VPS39: variants seen among roughly 807,000 people sequenced by gnomAD.
The protein encoded by VPS39 is vam6/Vps39-like protein.
A neutral mutation model predicts 121.0 loss-of-function variants in VPS39; 70 were observed. That is an observed-to-expected ratio of 0.58 (90% CI 0.48 to 0.71). VPS39 has a LOEUF of 0.71. Among genes scored for constraint, VPS39 ranks in the 30% least tolerant of loss-of-function variants. The pLI is 0.00. For synonymous variants in VPS39, 378 were observed against 398.1 expected (o/e 0.95, Z 0.60); for missense variants, 818 against 1,051.5 (o/e 0.78, Z 3.07).
At chr15:42,190,328 A>G (rs2049800772) in intron 4 of VPS39, among the ~76,000 whole-genome samples, 1 of 152,198 alleles carries the variant, frequency 6.6e-6, no homozygotes, top group Admixed American at 6.5e-5. Context: ...AGTTTTAGTC[A>G]TGAAGATTAA....
In VPS39 at chr15:42,169,836, T is replaced by C. The variant is rs2049313434; in HGVS notation, c.1121A>G (p.Asp374Gly). ...CTTTCTGTAGTCTGTGGGCAGCAGG[T>C]CAGGGTACAGGCCCATCACATGGGT... ...DPTHVMGLYP[D>G]LLPTDYRKQL... Residue 374 changes from aspartate (D) to glycine (G), a missense_variant, in exon 12 of 25, where the codon GAC becomes GGC. Asp to Gly is a moderately conservative substitution (Grantham distance 94). Transcript: ENST00000318006. The C allele has an allele frequency of 6.2e-7, 1 of 1,614,076 alleles. No individual in the cohort carries two copies.
At chr15:42,199,684 C>T in intron 2 of VPS39, 1 of 546,194 alleles carries the variant, frequency 1.8e-6, no homozygotes. Flanking sequence ...AATAAGTAAA[C>T]CAGCAATTCA....
chr15:42,200,108 G>T (rs2050036542), intron 1 of VPS39, 147 bp from the exon 2 acceptor site: 2 of 717,468 alleles, frequency 2.8e-6, no homozygotes, highest in South Asian at 2.6e-5. Flanking sequence ...TTTGATAGGA[G>T]GTGTTTTGCA....
At position 42,178,705 on chromosome 15, in the gene VPS39, T is replaced by C. The variant is rs149992910; in HGVS notation, c.719-135A>G. 21 of 1,272,558 alleles carry C rather than the reference T, an allele frequency of 1.7e-5. No homozygotes were observed. The African/African-American group carries it at 2.2e-4, about 14-fold the overall frequency. 78.8% of individuals were successfully genotyped at this position (1,272,558 alleles called of 1,614,324 possible). On this transcript the variant is annotated intron_variant, in intron 8 of 24. Coordinates refer to ENST00000318006, the MANE Select transcript of VPS39 (RefSeq NM_015289.5). The stretch of plus-strand genomic sequence containing the variant: ...CTAGTCAAATATCAAGCCAGGATCT[T>C]ACACTGTGATTCAGAAAGAAAGAAA...
intron 7 of VPS39, 52 bp downstream of exon 7, chr15:42,187,215 GATAA>G (rs1595670016): frequency 7.0e-7 from 1 of 1,431,028 alleles, no homozygotes. Flanking sequence ...GTTTGGAGCA[GATAA>G]TCATCTTCCC....
chr15:42,178,897 C>T (rs1165198117), intron 8 of VPS39: 1 of 224,344 alleles, frequency 4.5e-6, no homozygotes, highest in Non-Finnish European at 9.0e-6. Context: ...GTCCCAGCTA[C>T]TCAGGAGGCT....
At position 42,208,265 on chromosome 15, in the gene VPS39, C is replaced by A. The variant is rs879277773; in HGVS notation, c.-112G>T. 4.5e-5 allele frequency: 61 copies of A among 1,367,476 alleles called. No homozygotes were observed. The highest frequency in any genetic ancestry group is 5.8e-5 in the African/African-American group (4 of 69,242). 84.7% of individuals were successfully genotyped at this position (1,367,476 alleles called of 1,614,324 possible). A position where few individuals can be genotyped will look rare whatever the true frequency, so the allele number is the denominator to read the frequency against. On this transcript the variant is annotated 5_prime_UTR_variant, in exon 1 of 25. Coordinates refer to ENST00000318006, the MANE Select transcript of VPS39 (RefSeq NM_015289.5). ...GACCGGGATCCGGCCAGGAACCCCCCGGCTACAGGCCCTTCAACAACACAG... is the reference window on the plus strand; with the variant it reads ...GACCGGGATCCGGCCAGGAACCCCCAGGCTACAGGCCCTTCAACAACACAG...
chr15:42,200,806 T>C (rs1353699480), intron 1 of VPS39, among the ~76,000 whole-genome samples: 1 of 152,212 alleles, frequency 6.6e-6, no homozygotes, highest in Non-Finnish European at 1.5e-5. Flanking sequence ...AAACCAAATG[T>C]CCACCAACTG....
intron 2 of VPS39, chr15:42,192,240 T>G: frequency 1.2e-6 from 1 of 844,624 alleles, no homozygotes; most frequent in Non-Finnish European, 1.9e-6. Context: ...TCAGAGCAGC[T>G]ATCATGAAGC....
At chr15:42,178,045 C>A (rs1354349874) in intron 10 of VPS39, among the ~76,000 whole-genome samples, 173 bp downstream of exon 10, 4 of 148,186 alleles carry the variant, frequency 2.7e-5, no homozygotes, top group Non-Finnish European at 4.4e-5. Context: ...AAAAAGTAAA[C>A]TCACTTAGAG....
chr15:42,204,743 G>A (rs1047159071), intron 1 of VPS39, among the ~76,000 whole-genome samples: 2 of 151,928 alleles, frequency 1.3e-5, no homozygotes, highest in African/African-American at 4.8e-5. Context: ...AAGCTAAAAC[G>A]ACGAAAAGTC....
chr15:42,165,783 G>A lies in VPS39; in HGVS notation c.1714C>T (p.Leu572=), dbSNP rs1185417065. 3.1e-6 allele frequency: 5 copies of A among 1,614,188 alleles called. No individual in the cohort carries two copies. Among genetic ancestry groups the A allele is most frequent in the Non-Finnish European group, 4.2e-6 (5 of 1,180,022 alleles). The stretch of plus-strand genomic sequence containing the variant: ...AAGCCGAGGACTCGATCACGTGGCA[G>A]AGACTCCACTTCCGGGAGATCTTCA... The part of the protein sequence containing the change: ...FTEDLPEVES[L]PRDRVLGFLI... The change falls in exon 17 of 25, where the codon CTG becomes TTG. Residue 572 remains leucine, a synonymous_variant. Transcript: ENST00000318006.
rs777386803 is a variant in VPS39, at chr15:42,189,096, C to T, written c.342+18G>A. The T allele has an allele frequency of 1.3e-6, 2 of 1,595,480 alleles. No individual in the cohort carries two copies. Among genetic ancestry groups the T allele is most frequent in the Non-Finnish European group, 1.7e-6 (2 of 1,163,166 alleles). On this transcript the variant is annotated intron_variant, in intron 5 of 24. Transcript: ENST00000318006. ...TTGATTAAAGCATAAAGCCAAATTT[C>T]ATCTTGGGTAAACTTACCTGGAGGT...
rs117541447 is a variant in VPS39 at position 42,174,593 on chromosome 15, T to C, written c.961-741A>G. On this transcript the variant is annotated intron_variant, in intron 10 of 24. Coordinates refer to ENST00000318006, the MANE Select transcript of VPS39 (RefSeq NM_015289.5). ...TTAAAAACACAAAATAGGGTAAGAG[T>C]GATGATAAGCATGTGGGAGGGGTCC... Among the ~76,000 whole-genome samples, 598 of 151,748 alleles carry C rather than the reference T, an allele frequency of 3.9e-3. 1 individual carries two copies. Among genetic ancestry groups the C allele is most frequent in the Non-Finnish European group, 6.6e-3 (446 of 67,916 alleles).
At chr15:42,208,057 C>G (rs750673967) in intron 1 of VPS39, 24 bp downstream of exon 1, 1 of 1,563,594 alleles carries the variant, frequency 6.4e-7, no homozygotes, top group Admixed American at 1.9e-5. Flanking sequence ...GACTCCGCCT[C>G]GGCCCCGCGG....
chr15:42,169,594 A>C, intron 12 of VPS39, 130 bp downstream of exon 12: 1 of 1,048,798 alleles, frequency 9.5e-7, no homozygotes, highest in Non-Finnish European at 1.3e-6. Flanking sequence ...ACTTTACCCC[A>C]GGCAGACTTC....
At chr15:42,163,852 G>T in intron 19 of VPS39, 124 bp from the exon 20 acceptor site, 1 of 676,428 alleles carries the variant, frequency 1.5e-6, no homozygotes, top group Non-Finnish European at 2.5e-6. Context: ...CTTATTGCTT[G>T]GGTTTTTCTT....
chr15:42,200,855 G>C (rs1388784544), intron 1 of VPS39, among the ~76,000 whole-genome samples: 2 of 152,182 alleles, frequency 1.3e-5, no homozygotes, highest in Non-Finnish European at 2.9e-5. Flanking sequence ...CTATATAACG[G>C]AATATTAGCT....
chr15:42,199,424 C>T, intron 2 of VPS39: 1 of 275,888 alleles, frequency 3.6e-6, no homozygotes, highest in Non-Finnish European at 7.1e-6. Flanking sequence ...CTCACGGTCA[C>T]GCAGCCAGGG....
Sources: allele counts gnomAD v4.1 joint callset (sites outside exome capture counted in the v4.1 genomes callset), GRCh38; gene constraint gnomAD v4.1.1; transcripts MANE v1.5; gene names NCBI Gene and HGNC (gene_info 2026-07-23, HGNC 2026-07-21).